Variants in PDE11A observed in about 807,000 individuals in gnomAD.
PDE11A encodes the protein phosphodiesterase 11A.
In PDE11A, 100 loss-of-function variants were observed where a neutral mutation model predicts 100.5. The ratio of observed to expected loss-of-function variants is 1.00; its 90% CI spans 0.85 to 1.18. The LOEUF is 1.18. PDE11A is among the 50% of genes most tolerant of loss of function. PDE11A has a pLI of 0.00. For synonymous variants in PDE11A, 381 were observed against 420.8 expected (o/e 0.91, Z 1.16); for missense variants, 1,141 against 1,152.6 (o/e 0.99, Z 0.15).
intron 2 of PDE11A, among the ~76,000 whole-genome samples, chr2:178,095,709 G>A (rs890767496): frequency 7.2e-5 from 11 of 152,220 alleles, no homozygotes; most frequent in Admixed American, 6.5e-5. Flanking sequence ...GCAGACTTCT[G>A]CCTGGACATC....
At chr2:177,868,526 A>G (rs565795634) in intron 5 of PDE11A, among the ~76,000 whole-genome samples, 2 of 152,354 alleles carry the variant, frequency 1.3e-5, no homozygotes, top group South Asian at 4.1e-4. Context: ...TATAAATTCT[A>G]TCATATACCA....
At chr2:177,660,069 T>TTC (rs1559130658) in intron 19 of PDE11A, among the ~76,000 whole-genome samples, 1 of 18,122 alleles carries the variant, frequency 5.5e-5, no homozygotes, top group Admixed American at 6.9e-4. Context: ...CTTTCTTTCT[T>TTC]TCTTTCTTTC....
chr2:177,899,156 C>A (rs138669201), intron 3 of PDE11A, among the ~76,000 whole-genome samples: 52 of 152,216 alleles, frequency 3.4e-4, no homozygotes, highest in African/African-American at 1.2e-3. Context: ...GCCTATAATC[C>A]CAGCACTTTG....
At chr2:178,012,016 C>T (rs1231148628) in intron 2 of PDE11A, 1 of 152,184 alleles carries the variant, frequency 6.6e-6, no homozygotes, top group African/African-American at 2.4e-5. Flanking sequence ...TTCACCTTTT[C>T]TGTTTGGTTT....
At chr2:177,731,507 T>G (rs2081689655) in intron 10 of PDE11A, among the ~76,000 whole-genome samples, 1 of 152,160 alleles carries the variant, frequency 6.6e-6, no homozygotes, top group Admixed American at 6.6e-5. Flanking sequence ...AGCATTGGTT[T>G]CCTGTTCATT....
chr2:177,946,446 G>T (rs1574299499), intron 2 of PDE11A, among the ~76,000 whole-genome samples: 2 of 41,520 alleles, frequency 4.8e-5, no homozygotes, highest in African/African-American at 2.7e-4. Context: ...CGCCCCGTCC[G>T]GGAGGGAGGT....
At chr2:177,820,390 A>G (rs1432528555) in intron 6 of PDE11A, 95 bp from the exon 7 acceptor site, 2 of 775,910 alleles carry the variant, frequency 2.6e-6, no homozygotes, top group Non-Finnish European at 4.5e-6. Context: ...ATTCAAAAAT[A>G]ACTTTTTAAA....
chr2:178,006,827 G>GC (rs1553499851), intron 2 of PDE11A, among the ~76,000 whole-genome samples: 1 of 147,086 alleles, frequency 6.8e-6, no homozygotes, highest in Non-Finnish European at 1.5e-5. Flanking sequence ...AAAACAAGGG[G>GC]GGGGGGGGAA....
intron 19 of PDE11A, among the ~76,000 whole-genome samples, chr2:177,656,392 C>A (rs1185925973): frequency 6.6e-6 from 1 of 152,124 alleles, no homozygotes. Flanking sequence ...TTAGGCTGTA[C>A]AATATAGGTT....
chr2:177,881,402 G>A (rs1191494688), intron 4 of PDE11A, among the ~76,000 whole-genome samples: 1 of 140,590 alleles, frequency 7.1e-6, no homozygotes, highest in Non-Finnish European at 1.6e-5. Flanking sequence ...TATCTATCTA[G>A]TCTCCTATTG....
At chr2:177,870,727 ATATTTCT>A (rs1462618335) in intron 5 of PDE11A, among the ~76,000 whole-genome samples, 1 of 152,180 alleles carries the variant, frequency 6.6e-6, no homozygotes, top group African/African-American at 2.4e-5. Flanking sequence ...TACCCTGGAC[ATATTTCT>A]TAATTCTTAT....
intron 16 of PDE11A, among the ~76,000 whole-genome samples, chr2:177,677,244 A>G (rs141618791): frequency 2.0e-5 from 3 of 152,338 alleles, no homozygotes; most frequent in Admixed American, 1.3e-4. Flanking sequence ...GGAAGTCTCC[A>G]CAGGGTGACT....
intron 1 of PDE11A, among the ~76,000 whole-genome samples, chr2:178,061,716 T>A (rs945440416): frequency 6.6e-6 from 1 of 152,244 alleles, no homozygotes; most frequent in Admixed American, 6.5e-5. Flanking sequence ...TTCTATTAAA[T>A]TATTTCCATG....
At chr2:177,812,201 G>GTA (rs1282875437) in intron 9 of PDE11A, among the ~76,000 whole-genome samples, 1 of 151,990 alleles carries the variant, frequency 6.6e-6, no homozygotes, top group Non-Finnish European at 1.5e-5. Flanking sequence ...TACATAGTAG[G>GTA]TATATATATT....
At chr2:178,014,118 A>T (rs11695452) in intron 2 of PDE11A, among the ~76,000 whole-genome samples, 184 bp downstream of exon 2, 35,926 of 152,054 alleles carry the variant, frequency 0.24, 4,394 homozygotes, top group African/African-American at 0.28. Flanking sequence ...ATTATTTTCA[A>T]TTTTACCACA....
At chr2:178,018,198 C>T (rs143505501) in intron 1 of PDE11A, 33 of 368,652 alleles carry the variant, frequency 9.0e-5, no homozygotes, top group Middle Eastern at 2.0e-3. Context: ...GGACTGGTGA[C>T]GGGGTTGTCA....
At position 177,693,587 on chromosome 2, in the gene PDE11A, G is replaced by A. The variant is rs377125898; in HGVS notation, c.2345+3745C>T. 1.5e-3 allele frequency among the ~76,000 whole-genome samples: 221 copies of A among 152,266 alleles called. 4 individuals are homozygous for A. Among genetic ancestry groups the A allele is most frequent in the African/African-American group, 5.0e-3 (209 of 41,558 alleles). On this transcript the variant is annotated intron_variant, in intron 15 of 19. Coordinates refer to ENST00000286063, the MANE Select transcript of PDE11A (RefSeq NM_016953.4). ...TTATCTCCAACTTTGCTTTGGGAGA[G>A]GACACAGGGGCCTCAAGCTAGTGTT...
chr2:177,973,358 C>T (rs543074836), intron 2 of PDE11A, among the ~76,000 whole-genome samples: 2 of 69,108 alleles, frequency 2.9e-5, no homozygotes, highest in South Asian at 1.1e-3. Flanking sequence ...CACTCCCACC[C>T]GAATATTGCG....
intron 4 of PDE11A, among the ~76,000 whole-genome samples, chr2:177,896,340 A>G (rs1300500434): frequency 6.6e-6 from 1 of 152,208 alleles, no homozygotes; most frequent in Non-Finnish European, 1.5e-5. Context: ...AGACCACACC[A>G]TAAAAATTAG....
Sources: allele counts gnomAD v4.1 joint callset (sites outside exome capture counted in the v4.1 genomes callset), GRCh38; gene constraint gnomAD v4.1.1; transcripts MANE v1.5; gene names NCBI Gene and HGNC (gene_info 2026-07-23, HGNC 2026-07-21).